The following NCEH1 variants were observed in gnomAD, a reference collection of about 807,000 sequenced individuals.
The protein encoded by NCEH1 is neutral cholesterol ester hydrolase 1.
In NCEH1, 9 loss-of-function variants were observed where a neutral mutation model predicts 25.4. The ratio of observed to expected loss-of-function variants is 0.35; its 90% CI spans 0.21 to 0.62. NCEH1 has a LOEUF of 0.62. Ranked by LOEUF, NCEH1 falls within the 20% of genes least tolerant of loss-of-function variation. The pLI is 0.72. For missense variants in NCEH1, 412 were observed against 501.1 expected (o/e 0.82, Z 1.70); for synonymous variants, 200 against 199.8 (o/e 1.00, Z -0.01).
chr3:172,676,634 G>T (rs1042764146), intron 1 of NCEH1, among the ~76,000 whole-genome samples: 1 of 152,014 alleles, frequency 6.6e-6, no homozygotes, highest in African/African-American at 2.4e-5. Context: ...CTCTGTACCG[G>T]GGAGCTGTTT....
intron 1 of NCEH1, among the ~76,000 whole-genome samples, chr3:172,678,774 A>C (rs1318784049): frequency 6.6e-6 from 1 of 152,210 alleles, no homozygotes; most frequent in Non-Finnish European, 1.5e-5. Context: ...GTAGTGGTGA[A>C]GTCTGTGCAC....
At chr3:172,655,081 GAAGTA>G (rs1371661035) in intron 1 of NCEH1, among the ~76,000 whole-genome samples, 8 of 152,330 alleles carry the variant, frequency 5.3e-5, no homozygotes, top group African/African-American at 1.9e-4. Context: ...GAGTTTTAAT[GAAGTA>G]AAGATTCAGA....
At chr3:172,658,497 T>C (rs1431959500) in intron 1 of NCEH1, among the ~76,000 whole-genome samples, 1 of 152,216 alleles carries the variant, frequency 6.6e-6, no homozygotes, top group Non-Finnish European at 1.5e-5. Flanking sequence ...CCTCTACACA[T>C]AGCAAAGTAT....
chr3:172,634,733 T>C (rs1411278380), intron 4 of NCEH1, among the ~76,000 whole-genome samples: 1 of 152,204 alleles, frequency 6.6e-6, no homozygotes, highest in Non-Finnish European at 1.5e-5. Flanking sequence ...AGTGTTAACA[T>C]TGCCCCATTT....
chr3:172,690,155 G>A (rs765383298), intron 1 of NCEH1, among the ~76,000 whole-genome samples: 12 of 151,890 alleles, frequency 7.9e-5, no homozygotes, highest in Non-Finnish European at 1.3e-4. Flanking sequence ...CACCCGCCTC[G>A]GCCTCCCAAA....
intron 1 of NCEH1, among the ~76,000 whole-genome samples, chr3:172,649,363 C>A (rs1461088959): frequency 6.6e-6 from 1 of 152,132 alleles, no homozygotes; most frequent in Non-Finnish European, 1.5e-5. Context: ...GTTAATCAAA[C>A]AATGAACAGC....
At chr3:172,686,663 C>T (rs1560202785) in intron 1 of NCEH1, among the ~76,000 whole-genome samples, 1 of 152,184 alleles carries the variant, frequency 6.6e-6, no homozygotes, top group Non-Finnish European at 1.5e-5. Flanking sequence ...GAGGTGAAGG[C>T]TCTTCACATG....
intron 1 of NCEH1, among the ~76,000 whole-genome samples, chr3:172,672,249 T>C (rs1052198523): frequency 6.6e-6 from 1 of 152,212 alleles, no homozygotes; most frequent in African/African-American, 2.4e-5. Context: ...TGCCTACATG[T>C]TGAGTACCGT....
At chr3:172,648,718 G>C (rs891870455) in intron 1 of NCEH1, among the ~76,000 whole-genome samples, 2 of 152,120 alleles carry the variant, frequency 1.3e-5, no homozygotes, top group African/African-American at 4.8e-5. Flanking sequence ...GCATTTAGAA[G>C]CAGCTCAGCT....
In NCEH1 at chr3:172,658,839, ACTTTT is replaced by A. The variant is rs1404469776; in HGVS notation, c.139-10730_139-10726del. On this transcript the variant is annotated intron_variant, in intron 1 of 4. Transcript: ENST00000475381. ...AAGGTTGTCTCTTTCCAATTCCAAAACTTTTTTTTTTTTTTTTTTTTTTTTTTTTT... is the reference window on the plus strand; with the variant it reads ...AAGGTTGTCTCTTTCCAATTCCAAAATTTTTTTTTTTTTTTTTTTTTTTTT... 5.0e-4 allele frequency among the ~76,000 whole-genome samples: 63 copies of A among 127,046 alleles called. 1 individual carries two copies. The highest frequency in any genetic ancestry group is 1.8e-3 in the African/African-American group (60 of 32,950). 83.3% of individuals were successfully genotyped at this position (127,046 alleles called of 152,430 possible).
chr3:172,635,102 C>T (rs543124691), intron 4 of NCEH1, among the ~76,000 whole-genome samples: 2 of 152,318 alleles, frequency 1.3e-5, no homozygotes, highest in East Asian at 1.9e-4. Flanking sequence ...TGGGTTAGAT[C>T]CCAGTGCTGT....
Position 172,633,448 on chromosome 3 carries a change from CT to C in NCEH1, c.*26del. The C allele has an allele frequency of 6.3e-7, 1 of 1,595,170 alleles. No individual in the cohort carries two copies. Among genetic ancestry groups the C allele is most frequent in the South Asian group, 1.1e-5 (1 of 87,276 alleles). On this transcript the variant is annotated 3_prime_UTR_variant, in exon 5 of 5. Coordinates refer to ENST00000475381, the MANE Select transcript of NCEH1 (RefSeq NM_020792.6). ...AGCAGGTGTAGGAGGTCAAGAGGGG[CT>C]CGAGGCTTCTGGAAGTTTTGCTCCT...
At chr3:172,637,283 T>C (rs1213935289) in intron 3 of NCEH1, among the ~76,000 whole-genome samples, 6 of 152,154 alleles carry the variant, frequency 3.9e-5, no homozygotes, top group African/African-American at 1.2e-4. Flanking sequence ...TTGCAAAAAC[T>C]CAAAAACAGA....
At chr3:172,675,443 C>CG (rs779523967) in intron 1 of NCEH1, among the ~76,000 whole-genome samples, 1 of 133,054 alleles carries the variant, frequency 7.5e-6, no homozygotes, top group East Asian at 2.1e-4. Context: ...AAAAATTTTA[C>CG]AAAAAAAAAA....
At chr3:172,693,342 G>A (rs767909613) in intron 1 of NCEH1, among the ~76,000 whole-genome samples, 8 of 151,930 alleles carry the variant, frequency 5.3e-5, no homozygotes, top group Non-Finnish European at 1.2e-4. Context: ...AAAGCAAACC[G>A]TGTGCACACA....
intron 3 of NCEH1, among the ~76,000 whole-genome samples, chr3:172,645,012 A>C (rs1325084883): frequency 6.6e-6 from 1 of 152,186 alleles, no homozygotes; most frequent in Non-Finnish European, 1.5e-5. Flanking sequence ...CGTGTGCAAA[A>C]GCATTCGCAC....
rs887804299 is a variant in NCEH1, at chr3:172,630,389, G to T, written c.*3086C>A. On this transcript the variant is annotated 3_prime_UTR_variant, in exon 5 of 5. Coordinates refer to ENST00000475381, the MANE Select transcript of NCEH1 (RefSeq NM_020792.6). ...CCTTTTCCTAACATGTGTATTGAAG[G>T]TCCCAAAATAGTCCCAGGGCCTGCC... The T allele has an allele frequency of 2.6e-5, 4 of 152,124 alleles. No homozygotes were observed. Among genetic ancestry groups the T allele is most frequent in the African/African-American group, 7.2e-5 (3 of 41,412 alleles). The allele number at this position is 152,124 out of a possible 1,614,324, so 9.4% of individuals were successfully genotyped here. A position where few individuals can be genotyped will look rare whatever the true frequency, so the allele number is the denominator to read the frequency against.
rs138775252 is a variant in NCEH1, at chr3:172,682,504, C to G, written c.138+28343G>C. ...CCTGAGACATTCCATTCATAGGTATCTATTAAATGATTAAATGGTTCTTTC... is the reference window on the plus strand; with the variant it reads ...CCTGAGACATTCCATTCATAGGTATGTATTAAATGATTAAATGGTTCTTTC... On this transcript the variant is annotated intron_variant, in intron 1 of 4. Transcript: ENST00000475381. 9.9e-4 allele frequency among the ~76,000 whole-genome samples: 151 copies of G among 152,272 alleles called. 1 individual carries two copies. Among genetic ancestry groups the G allele is most frequent in the African/African-American group, 3.5e-3 (147 of 41,562 alleles).
At chr3:172,653,735 G>GTTTTTTTTTTTTTTTTTTTTTTTTTTTTT (rs1553830302) in intron 1 of NCEH1, among the ~76,000 whole-genome samples, 3 of 71,020 alleles carry the variant, frequency 4.2e-5, no homozygotes, top group Middle Eastern at 7.4e-3. Context: ...TTGTTGTTCT[G>GTTTTTTTTTTTTTTTTTTTTTTTTTTTTT]TTTTTTTTGT....
Sources: allele counts gnomAD v4.1 joint callset (sites outside exome capture counted in the v4.1 genomes callset), GRCh38; gene constraint gnomAD v4.1.1; transcripts MANE v1.5; gene names NCBI Gene and HGNC (gene_info 2026-07-23, HGNC 2026-07-21).